FOXP1: variants seen among roughly 807,000 people sequenced by gnomAD.
The protein encoded by FOXP1 is forkhead box protein P1.
A neutral mutation model predicts 98.2 loss-of-function variants in FOXP1; 15 were observed. The ratio of observed to expected loss-of-function variants is 0.15; its 90% CI spans 0.10 to 0.24. The LOEUF is 0.24. Ranked by LOEUF, FOXP1 falls within the 10% of genes least tolerant of loss-of-function variation. FOXP1 has a pLI of 1.00. For synonymous variants in FOXP1, 371 were observed against 314.5 expected, an observed-to-expected ratio of 1.18 and a Z score of -1.90; for missense variants, 633 against 848.5, an observed-to-expected ratio of 0.75 and a Z score of 3.15.
intron 2 of FOXP1, among the ~76,000 whole-genome samples, chr3:71,558,745 G>A (rs191467423): frequency 1.7e-4 from 26 of 150,844 alleles, no homozygotes; most frequent in Admixed American, 1.1e-3. Flanking sequence ...CGCCCGCCTC[G>A]GCCTCCCAAA....
intron 2 of FOXP1, among the ~76,000 whole-genome samples, chr3:71,536,497 G>A (rs571701069): frequency 1.3e-5 from 2 of 151,432 alleles, no homozygotes; most frequent in East Asian, 1.9e-4. Flanking sequence ...TACTAAAGTC[G>A]AAGGACTCTT....
intron 5 of FOXP1, among the ~76,000 whole-genome samples, chr3:71,267,124 A>AGAGTGTGTGTGC (rs142661368): frequency 6.7e-5 from 10 of 148,298 alleles, no homozygotes; most frequent in Admixed American, 6.7e-4. Context: ...TATGGGAGAG[A>AGAGTGTGTGTGC]GTGTGTGTGT....
At chr3:70,984,684 G>C (rs1310621432) in intron 14 of FOXP1, among the ~76,000 whole-genome samples, 1 of 152,072 alleles carries the variant, frequency 6.6e-6, no homozygotes. Context: ...GTTTTGTTCT[G>C]AAAGGAAGAT....
At chr3:71,228,902 A>T (rs2066055161) in intron 5 of FOXP1, among the ~76,000 whole-genome samples, 1 of 152,176 alleles carries the variant, frequency 6.6e-6, no homozygotes, top group Non-Finnish European at 1.5e-5. Context: ...GATATGTGGA[A>T]ACACAAAAGA....
chr3:71,568,325 G>A (rs1200733369), intron 2 of FOXP1, among the ~76,000 whole-genome samples: 2 of 152,136 alleles, frequency 1.3e-5, no homozygotes, highest in African/African-American at 2.4e-5. Flanking sequence ...GTACAGGAGG[G>A]CCTCAGGCTG....
intron 5 of FOXP1, among the ~76,000 whole-genome samples, chr3:71,210,221 C>A (rs141677972): frequency 1.3e-5 from 2 of 152,324 alleles, no homozygotes; most frequent in Middle Eastern, 3.4e-3. Context: ...AACTCCTCAA[C>A]CTTCTCTAGC....
intron 7 of FOXP1, among the ~76,000 whole-genome samples, chr3:71,088,749 T>C (rs961864394): frequency 1.3e-5 from 2 of 152,208 alleles, no homozygotes; most frequent in Non-Finnish European, 2.9e-5. Context: ...AGATTATCTT[T>C]GAAGGTCTTA....
chr3:71,228,915 T>C (rs1383356140), intron 5 of FOXP1, among the ~76,000 whole-genome samples: 1 of 152,008 alleles, frequency 6.6e-6, no homozygotes, highest in Non-Finnish European at 1.5e-5. Flanking sequence ...ACAAAAGATG[T>C]TTAAAATGTG....
intron 7 of FOXP1, among the ~76,000 whole-genome samples, chr3:71,100,774 T>C (rs1575685340): frequency 1.3e-5 from 2 of 152,210 alleles, no homozygotes; most frequent in Admixed American, 6.5e-5. Flanking sequence ...AAAGGAATGA[T>C]GACTCTGAAT....
intron 4 of FOXP1, among the ~76,000 whole-genome samples, chr3:71,330,164 A>G (rs937223639): frequency 5.9e-5 from 9 of 152,256 alleles, no homozygotes; most frequent in Non-Finnish European, 1.2e-4. Context: ...TCAGGCTGAC[A>G]TAAAACCAGC....
At chr3:71,582,937 GGGGCAGCTCAA>G (rs1559558598) in intron 1 of FOXP1, 1 of 417,740 alleles carries the variant, frequency 2.4e-6, no homozygotes, top group African/African-American at 2.2e-5. Flanking sequence ...TGGGGCCCGC[GGGGCAGCTCAA>G]GGGCACCGAG....
intron 5 of FOXP1, among the ~76,000 whole-genome samples, chr3:71,242,757 C>T (rs1423827975): frequency 2.8e-5 from 2 of 70,366 alleles, no homozygotes; most frequent in South Asian, 4.6e-4. Context: ...ATATTTTGCC[C>T]AAAAAGGAAA....
intron 11 of FOXP1, among the ~76,000 whole-genome samples, chr3:71,033,547 G>A (rs2047151691): frequency 7.4e-6 from 1 of 134,830 alleles, no homozygotes; most frequent in African/African-American, 2.6e-5. Flanking sequence ...CACAACAGCT[G>A]TTAGAGAATA....
chr3:71,554,578 T>C (rs915557602), intron 2 of FOXP1, among the ~76,000 whole-genome samples: 11 of 152,136 alleles, frequency 7.2e-5, no homozygotes, highest in African/African-American at 2.4e-4. Flanking sequence ...CTTAACTGAG[T>C]TTCTATTTGA....
At chr3:71,385,107 TAAA>T (rs11304054) in intron 3 of FOXP1, among the ~76,000 whole-genome samples, 2 of 138,910 alleles carry the variant, frequency 1.4e-5, no homozygotes, top group South Asian at 2.3e-4. Context: ...GAAAAGGAAG[TAAA>T]AAAAAAAAAA....
intron 2 of FOXP1, among the ~76,000 whole-genome samples, chr3:71,546,615 T>C (rs1008934482): frequency 6.9e-6 from 1 of 145,914 alleles, no homozygotes; most frequent in Non-Finnish European, 1.5e-5. Flanking sequence ...GGGTGCAAGA[T>C]ACCCAACCAC....
intron 6 of FOXP1, among the ~76,000 whole-genome samples, chr3:71,169,844 G>C (rs988903842): frequency 3.3e-5 from 5 of 150,822 alleles, no homozygotes; most frequent in African/African-American, 1.2e-4. Flanking sequence ...GCTATTTAAA[G>C]AGTAGATAAG....
chr3:71,508,613 T>C lies in FOXP1; in HGVS notation c.-297-15058A>G, dbSNP rs113246129. 3.6e-3 allele frequency among the ~76,000 whole-genome samples: 547 copies of C among 152,280 alleles called. 2 individuals carry two copies. The highest frequency in any genetic ancestry group is 6.2e-3 in the Non-Finnish European group (421 of 68,030). On this transcript the variant is annotated intron_variant, in intron 2 of 20. Transcript: ENST00000649528. ...TGAGTGATACTCATTGTTTTACGAG[T>C]GACATCTTCACTCTACTCAATACGT...
chr3:71,230,069 A>G (rs1462361153), intron 5 of FOXP1, among the ~76,000 whole-genome samples: 2 of 140,642 alleles, frequency 1.4e-5, no homozygotes, highest in African/African-American at 2.6e-5. Flanking sequence ...TGTGCCAAAC[A>G]GCAGGGCTGC....
Sources: gnomAD v4.1 joint callset for allele counts (sites outside exome capture counted in the v4.1 genomes callset) on GRCh38, gnomAD v4.1.1 for gene constraint, MANE v1.5 for transcripts, NCBI Gene and HGNC (gene_info 2026-07-23, HGNC 2026-07-21) for gene names.